The following CARNMT1 variants were observed in gnomAD, a reference collection of about 807,000 sequenced individuals.
CARNMT1 encodes protein-L-histidine N-pros-methyltransferase CARNMT1.
Under a neutral mutation model 49.6 loss-of-function variants are expected in CARNMT1, and 28 were observed. That is an observed-to-expected ratio of 0.56 (90% CI 0.42 to 0.77). The LOEUF (loss-of-function observed/expected upper bound fraction) is 0.77, where lower values mean the gene tolerates loss of function less well. CARNMT1 is among the 30% of genes least tolerant of loss of function. The pLI is 0.00. For missense variants in CARNMT1, 421 were observed against 512.6 expected (o/e 0.82, Z 1.73); for synonymous variants, 178 against 175.0 (o/e 1.02, Z -0.13).
intron 6 of CARNMT1, chr9:74,991,815 A>G (rs1367779056): frequency 1.3e-5 from 2 of 152,154 alleles, no homozygotes; most frequent in African/African-American, 2.4e-5. Flanking sequence ...AAACTTACCT[A>G]TCTACCCCAA....
chr9:75,023,101 C>T lies in CARNMT1; in HGVS notation c.230+4911G>A, dbSNP rs1294845670. ...AGGTTGCAGTGAGTTGAGATTGTGC[C>T]ACTGCACTCCAGCCTGGGTGACAGA... On this transcript the variant is annotated intron_variant, in intron 1 of 7. Coordinates refer to ENST00000376834, the MANE Select transcript of CARNMT1 (RefSeq NM_152420.3). Among the ~76,000 whole-genome samples, 4 of 147,646 alleles carry T rather than the reference C, an allele frequency of 2.7e-5. No homozygotes were observed. In the East Asian group the frequency reaches 7.9e-4, roughly 29 times the overall value.
At chr9:75,021,930 C>A (rs1822375542) in intron 1 of CARNMT1, among the ~76,000 whole-genome samples, 1 of 151,912 alleles carries the variant, frequency 6.6e-6, no homozygotes. Flanking sequence ...AGAGCAAAAA[C>A]CCTGTCTCCA....
intron 5 of CARNMT1, among the ~76,000 whole-genome samples, chr9:74,997,697 A>G (rs1241157084): frequency 6.7e-6 from 1 of 149,552 alleles, no homozygotes; most frequent in Non-Finnish European, 1.5e-5. Flanking sequence ...TTTAGTTTCT[A>G]CTCTTAGAAA....
At chr9:74,985,266 G>A (rs766493963) in intron 6 of CARNMT1, among the ~76,000 whole-genome samples, 19 of 152,166 alleles carry the variant, frequency 1.2e-4, no homozygotes, top group African/African-American at 4.3e-4. Context: ...CCTTTAACTT[G>A]CAAGTTACTG....
rs1430049598 is a variant in CARNMT1 at position 74,981,689 on chromosome 9, A to T, written c.*2078T>A. 1 of 152,230 alleles carries T rather than the reference A, an allele frequency of 6.6e-6. No homozygotes were observed. The highest frequency in any genetic ancestry group is 2.1e-4 in the South Asian group (1 of 4,828). The allele number at this position is 152,230 out of a possible 1,614,324, so 9.4% of individuals were successfully genotyped here. A position where few individuals can be genotyped will look rare whatever the true frequency, so the allele number is the denominator to read the frequency against. The stretch of plus-strand genomic sequence containing the variant: ...TTAAAGAAAACCTAATAGAAAAAAA[A>T]TTAATTAATAAAGCCAACCCACCAG... On this transcript the variant is annotated 3_prime_UTR_variant, in exon 8 of 8. Coordinates refer to ENST00000376834, the MANE Select transcript of CARNMT1 (RefSeq NM_152420.3).
At chr9:74,987,620 G>A (rs946129920) in intron 6 of CARNMT1, among the ~76,000 whole-genome samples, 10 of 152,132 alleles carry the variant, frequency 6.6e-5, no homozygotes. Context: ...ATGGTATTAG[G>A]AGTAAGAGGA....
At chr9:75,006,148 T>A (rs1012267139) in intron 3 of CARNMT1, among the ~76,000 whole-genome samples, 2 of 151,802 alleles carry the variant, frequency 1.3e-5, no homozygotes, top group African/African-American at 4.8e-5. Flanking sequence ...ACCTCCCGGG[T>A]TCAAGTGATT....
At chr9:74,996,393 G>T in intron 6 of CARNMT1, 54 bp downstream of exon 6, 1 of 844,452 alleles carries the variant, frequency 1.2e-6, no homozygotes, top group Non-Finnish European at 1.9e-6. Context: ...ATGTAATACA[G>T]CTGTAAGTAC....
intron 1 of CARNMT1, among the ~76,000 whole-genome samples, 168 bp from the exon 2 acceptor site, chr9:75,017,616 G>A (rs1038892927): frequency 6.6e-6 from 1 of 152,126 alleles, no homozygotes; most frequent in Non-Finnish European, 1.5e-5. Context: ...AGTTGTAAAT[G>A]TTTTTACTTT....
At position 74,982,296 on chromosome 9, in the gene CARNMT1, CCA is replaced by C. The variant is rs1430081980; in HGVS notation, c.*1469_*1470del. 2 of 152,218 alleles carry C rather than the reference CCA, an allele frequency of 1.3e-5. No individual in the cohort carries two copies. Among genetic ancestry groups the C allele is most frequent in the African/African-American group, 4.8e-5 (2 of 41,546 alleles). The allele number at this position is 152,218 out of a possible 1,614,324, so 9.4% of individuals were successfully genotyped here. On this transcript the variant is annotated 3_prime_UTR_variant, in exon 8 of 8. Transcript: ENST00000376834. ...GATTAAATCCATCTAATTTAAATTG[CCA>C]CAGAGGTCATTTAAAGCAATCACAA...
chr9:74,985,915 C>T (rs1319853887), intron 6 of CARNMT1, among the ~76,000 whole-genome samples: 2 of 152,278 alleles, frequency 1.3e-5, no homozygotes, highest in Non-Finnish European at 2.9e-5. Context: ...ATATGTATTA[C>T]ACCTGTCATA....
At position 74,990,369 on chromosome 9, in the gene CARNMT1, G is replaced by A. The variant is rs531956212; in HGVS notation, c.1025-5359C>T. 4.6e-5 allele frequency among the ~76,000 whole-genome samples: 7 copies of A among 152,302 alleles called. 1 individual carries two copies. In the South Asian group the frequency reaches 1.4e-3, roughly 32 times the overall value. On this transcript the variant is annotated intron_variant, in intron 6 of 7. Coordinates refer to ENST00000376834, the MANE Select transcript of CARNMT1 (RefSeq NM_152420.3). ...ACGGAAACTAGAGGCCACTGGGTGT[G>A]ATATATTCTAAGTGTTGAAAGCTAC...
intron 6 of CARNMT1, among the ~76,000 whole-genome samples, chr9:74,992,199 G>A (rs1295104674): frequency 6.6e-6 from 1 of 151,880 alleles, no homozygotes; most frequent in Non-Finnish European, 1.5e-5. Context: ...TTGAACCCAG[G>A]AGACAGAGGT....
At chr9:75,010,932 C>T (rs1316615507) in intron 3 of CARNMT1, among the ~76,000 whole-genome samples, 4 of 151,862 alleles carry the variant, frequency 2.6e-5, no homozygotes, top group Non-Finnish European at 5.9e-5. Context: ...ACTGAATGTC[C>T]CTGAATTATT....
At chr9:74,985,344 T>C (rs1223043603) in intron 6 of CARNMT1, among the ~76,000 whole-genome samples, 1 of 152,136 alleles carries the variant, frequency 6.6e-6, no homozygotes, top group African/African-American at 2.4e-5. Context: ...TATAATTCCA[T>C]AAGCAAATGC....
chr9:74,997,404 C>T (rs540341361), intron 5 of CARNMT1, among the ~76,000 whole-genome samples: 1 of 152,216 alleles, frequency 6.6e-6, no homozygotes, highest in South Asian at 2.1e-4. Flanking sequence ...TGTTGCTATC[C>T]CTGCTTTAAG....
chr9:75,024,140 T>G (rs191551292), intron 1 of CARNMT1, among the ~76,000 whole-genome samples: 97 of 152,298 alleles, frequency 6.4e-4, no homozygotes, highest in Non-Finnish European at 1.2e-3. Flanking sequence ...ACAGGCCCAT[T>G]CCTCTGCACC....
chr9:75,003,290 C>T (rs1350811911), intron 3 of CARNMT1, among the ~76,000 whole-genome samples: 1 of 152,218 alleles, frequency 6.6e-6, no homozygotes, highest in Non-Finnish European at 1.5e-5. Context: ...TCTATGCTTT[C>T]AATAATTCAT....
intron 1 of CARNMT1, among the ~76,000 whole-genome samples, chr9:75,022,446 A>G (rs1822398765): frequency 6.6e-6 from 1 of 151,402 alleles, no homozygotes. Context: ...CTGATCTTGA[A>G]CTCCTGACCT....
Sources: gnomAD v4.1 joint callset for allele counts (sites outside exome capture counted in the v4.1 genomes callset) on GRCh38, gnomAD v4.1.1 for gene constraint, MANE v1.5 for transcripts, NCBI Gene and HGNC (gene_info 2026-07-23, HGNC 2026-07-21) for gene names.